The following VNN1 variants were observed in gnomAD, a reference collection of about 807,000 sequenced individuals.
VNN1 encodes the protein pantetheinase.
In VNN1, 29 loss-of-function variants were observed where a neutral mutation model predicts 41.9. That is an observed-to-expected ratio of 0.69 (90% confidence interval 0.52 to 0.94). The LOEUF (loss-of-function observed/expected upper bound fraction) is 0.94, where lower values mean the gene tolerates loss of function less well. Among genes scored for constraint, VNN1 ranks in the 40% least tolerant of loss-of-function variants. The probability of loss-of-function intolerance (pLI) is 0.00; values close to 1 mark genes in which losing one functional copy is unlikely to be tolerated. For synonymous variants in VNN1, 233 were observed against 224.4 expected (o/e 1.04, Z -0.34); for missense variants, 637 against 621.1 (o/e 1.03, Z -0.27).
chr6:132,709,605 A>G (rs1330709061), intron 2 of VNN1, among the ~76,000 whole-genome samples: 4 of 151,834 alleles, frequency 2.6e-5, no homozygotes, highest in African/African-American at 7.3e-5. Context: ...TAGAGGTTGC[A>G]GTGAGCTGAG....
At chr6:132,684,735 G>A (rs919651878) in intron 5 of VNN1, among the ~76,000 whole-genome samples, 15 of 151,574 alleles carry the variant, frequency 9.9e-5, no homozygotes, top group Non-Finnish European at 2.1e-4. Context: ...AAAAAAACAT[G>A]AGAAAGTCAA....
intron 5 of VNN1, among the ~76,000 whole-genome samples, chr6:132,689,679 T>A (rs1778255710): frequency 6.6e-6 from 1 of 152,214 alleles, no homozygotes; most frequent in Non-Finnish European, 1.5e-5. Flanking sequence ...TTGTCAATAG[T>A]TCTTTACTGT....
intron 2 of VNN1, among the ~76,000 whole-genome samples, chr6:132,709,294 G>A (rs557906916): frequency 2.5e-4 from 38 of 152,228 alleles, no homozygotes; most frequent in Non-Finnish European, 4.9e-4. Flanking sequence ...CAAGGGGACA[G>A]GAATTTTTAA....
intron 2 of VNN1, among the ~76,000 whole-genome samples, chr6:132,695,162 T>A (rs566590241): frequency 1.8e-3 from 279 of 151,944 alleles, no homozygotes; most frequent in African/African-American, 6.5e-3. Context: ...CAAAAAAAAA[T>A]TTTTTTGAAT....
chr6:132,692,328 G>A lies in VNN1; in HGVS notation c.1083C>T (p.Leu361=), dbSNP rs922784473. 3.7e-6 allele frequency: 6 copies of A among 1,614,192 alleles called. No individual in the cohort carries two copies. The South Asian group carries it at 6.6e-5, about 18-fold the overall frequency. ...AGNYTVCQKD[L]CCHLSYKMSE... ...ACATTTTGTAGCTTAAATGACAGCA[G>A]AGATCTTTCTGACAAACTGTATAAT... The change falls in exon 5 of 7, where the codon CTC becomes CTT. Residue 361 remains leucine (L), a synonymous_variant. Coordinates refer to ENST00000367928, the MANE Select transcript of VNN1 (RefSeq NM_004666.3).
At chr6:132,689,151 G>T (rs1778246560) in intron 5 of VNN1, among the ~76,000 whole-genome samples, 1 of 152,106 alleles carries the variant, frequency 6.6e-6, no homozygotes, top group South Asian at 2.1e-4. Context: ...CTCCCAAAGT[G>T]CTGGGATTAC....
chr6:132,691,994 A>G (rs1778293155), intron 5 of VNN1, among the ~76,000 whole-genome samples: 1 of 147,706 alleles, frequency 6.8e-6, no homozygotes. Context: ...ACAGAGTGAG[A>G]CTCTGTCTCA....
At chr6:132,702,049 G>A (rs1778455165) in intron 2 of VNN1, among the ~76,000 whole-genome samples, 1 of 152,206 alleles carries the variant, frequency 6.6e-6, no homozygotes, top group South Asian at 2.1e-4. Context: ...GTTCTCTGGG[G>A]TTCTAAATAA....
chr6:132,692,494 G>T lies in VNN1; in HGVS notation c.917C>A (p.Ser306Tyr). The T allele has an allele frequency of 6.2e-7, 1 of 1,613,616 alleles. No homozygotes were observed. Among genetic ancestry groups the T allele is most frequent in the Non-Finnish European group, 8.5e-7 (1 of 1,180,004 alleles). Residue 306 changes from serine (S) to tyrosine (Y), a missense_variant, in exon 5 of 7, where the codon TCC becomes TAC. Ser to Tyr is a moderately radical substitution (Grantham distance 144). Coordinates refer to ENST00000367928, the MANE Select transcript of VNN1 (RefSeq NM_004666.3). ...CACCACTGCAGAATGGGATGGGTGG[G>T]AATCCAGTTGCGAGAGGAGGAGTTT... ...EGKLLLSQLD[S>Y]HPSHSAVVNW...
At chr6:132,700,294 T>C (rs2745444) in intron 2 of VNN1, among the ~76,000 whole-genome samples, 56,261 of 151,286 alleles carry the variant, frequency 0.37, 11,300 homozygotes, top group African/African-American at 0.53. Context: ...TATATACTTG[T>C]CATCTAAATT....
chr6:132,685,330 T>C (rs912881529), intron 5 of VNN1, among the ~76,000 whole-genome samples: 2 of 152,372 alleles, frequency 1.3e-5, no homozygotes, highest in Middle Eastern at 3.4e-3. Flanking sequence ...CAAGTCACCT[T>C]CATCTCTTGC....
intron 5 of VNN1, among the ~76,000 whole-genome samples, chr6:132,688,938 G>T (rs1397525453): frequency 6.6e-6 from 1 of 152,044 alleles, no homozygotes; most frequent in Non-Finnish European, 1.5e-5. Flanking sequence ...GCCTAGGCTG[G>T]AGTGCAGTGG....
chr6:132,703,321 A>T (rs1264937836), intron 2 of VNN1, among the ~76,000 whole-genome samples: 1 of 152,182 alleles, frequency 6.6e-6, no homozygotes, highest in East Asian at 1.9e-4. Context: ...CTAAAAGATG[A>T]ACCAATCAAA....
chr6:132,711,491 C>T (rs1778598860), intron 2 of VNN1, among the ~76,000 whole-genome samples: 1 of 152,198 alleles, frequency 6.6e-6, no homozygotes, highest in Non-Finnish European at 1.5e-5. Flanking sequence ...GATGTTCACA[C>T]TGAATGTGAT....
chr6:132,686,340 C>T (rs545140356), intron 5 of VNN1, among the ~76,000 whole-genome samples: 4 of 152,068 alleles, frequency 2.6e-5, no homozygotes, highest in South Asian at 4.2e-4. Flanking sequence ...CCCAGCTACT[C>T]GGGAGGCTGA....
In VNN1 at chr6:132,693,203, A is replaced by G; in HGVS notation, c.647T>C (p.Phe216Ser). Reference sequence around the variant, plus strand: ...CACCAAGGTAACAGCAGGATCATGGAAGAGTATATCAAAGCATGTGAAAAT... The same window carrying G: ...CACCAAGGTAACAGCAGGATCATGGGAGAGTATATCAAAGCATGTGAAAAT... Reference protein sequence around the residue: ...FGIFTCFDILFHDPAVTLVKD... With the variant: ...FGIFTCFDILSHDPAVTLVKD... The change falls in exon 4 of 7, where the codon TTC becomes TCC. Residue 216 changes from phenylalanine to serine, a missense_variant. Physicochemically the swap from Phe to Ser is radical, Grantham distance 155. Coordinates refer to ENST00000367928, the MANE Select transcript of VNN1 (RefSeq NM_004666.3). 2 of 1,614,164 alleles carry G rather than the reference A, an allele frequency of 1.2e-6. No homozygotes were observed.
chr6:132,689,715 T>C (rs1009097816), intron 5 of VNN1, among the ~76,000 whole-genome samples: 1 of 152,222 alleles, frequency 6.6e-6, no homozygotes, highest in Non-Finnish European at 1.5e-5. Flanking sequence ...TGTCGTATCA[T>C]TCACTGTTGT....
At chr6:132,708,068 C>T (rs1322977892) in intron 2 of VNN1, among the ~76,000 whole-genome samples, 1 of 152,154 alleles carries the variant, frequency 6.6e-6, no homozygotes, top group Non-Finnish European at 1.5e-5. Flanking sequence ...TATACATCTA[C>T]TATGTACCCA....
intron 3 of VNN1, 30 bp from the exon 4 acceptor site, chr6:132,693,345 A>G (rs1562216042): frequency 6.4e-7 from 1 of 1,552,504 alleles, no homozygotes; most frequent in Non-Finnish European, 8.7e-7. Context: ...AAGAGAAAAA[A>G]ATTATTTTAG....
Sources: allele counts gnomAD v4.1 joint callset (sites outside exome capture counted in the v4.1 genomes callset), GRCh38; gene constraint gnomAD v4.1.1; transcripts MANE v1.5; gene names NCBI Gene and HGNC (gene_info 2026-07-23, HGNC 2026-07-21).